The following CAMK1D variants were observed in gnomAD, a reference collection of about 807,000 sequenced individuals.
The protein encoded by CAMK1D is calcium/calmodulin-dependent protein kinase type 1D.
Under a neutral mutation model 47.7 loss-of-function variants are expected in CAMK1D, and 9 were observed. That is an observed-to-expected ratio of 0.19 (90% confidence interval 0.11 to 0.33). The LOEUF (loss-of-function observed/expected upper bound fraction) is 0.33, where lower values mean the gene tolerates loss of function less well. CAMK1D is among the 10% of genes least tolerant of loss of function. The pLI, the probability that CAMK1D is intolerant of heterozygous loss-of-function variation, is 1.00. For missense variants in CAMK1D, 291 were observed against 488.7 expected (o/e 0.60, Z 3.81); for synonymous variants, 184 against 184.9 (o/e 0.99, Z 0.04).
intron 1 of CAMK1D, among the ~76,000 whole-genome samples, chr10:12,378,565 G>T (rs989543648): frequency 3.9e-4 from 59 of 150,374 alleles, no homozygotes; most frequent in African/African-American, 1.3e-3. Context: ...TTGAACAAGG[G>T]TATCCCCATT....
At chr10:12,745,599 CT>C (rs1564531460) in intron 3 of CAMK1D, among the ~76,000 whole-genome samples, 1 of 135,806 alleles carries the variant, frequency 7.4e-6, no homozygotes, top group Non-Finnish European at 1.6e-5. Flanking sequence ...TGCCAATTTT[CT>C]TTTTTTCTTT....
At chr10:12,641,259 G>A (rs1027647654) in intron 2 of CAMK1D, among the ~76,000 whole-genome samples, 2 of 152,102 alleles carry the variant, frequency 1.3e-5, no homozygotes, top group Non-Finnish European at 2.9e-5. Context: ...GTCAGCTACC[G>A]CCCCCAGCCT....
intron 5 of CAMK1D, among the ~76,000 whole-genome samples, chr10:12,784,057 T>C (rs1837614369): frequency 6.6e-6 from 1 of 152,200 alleles, no homozygotes; most frequent in South Asian, 2.1e-4. Context: ...GATATTGTTT[T>C]GTCAGGAATA....
At chr10:12,392,225 C>T (rs534472681) in intron 1 of CAMK1D, among the ~76,000 whole-genome samples, 2 of 151,876 alleles carry the variant, frequency 1.3e-5, no homozygotes, top group Admixed American at 1.3e-4. Context: ...TCACTGGAAC[C>T]CAGGAGGTGG....
intron 1 of CAMK1D, among the ~76,000 whole-genome samples, chr10:12,454,888 A>G (rs1833196206): frequency 6.6e-6 from 1 of 152,230 alleles, no homozygotes; most frequent in African/African-American, 2.4e-5. Context: ...GTTCTCCTAC[A>G]TTCTCATTGC....
At chr10:12,566,620 C>T (rs375055554) in intron 2 of CAMK1D, among the ~76,000 whole-genome samples, 9 of 152,104 alleles carry the variant, frequency 5.9e-5, no homozygotes, top group African/African-American at 1.4e-4. Context: ...AGTGATTGCC[C>T]GAGGTCATGG....
At chr10:12,522,163 CCTT>C (rs1758118299) in intron 1 of CAMK1D, among the ~76,000 whole-genome samples, 1 of 147,810 alleles carries the variant, frequency 6.8e-6, no homozygotes, top group Admixed American at 6.7e-5. Flanking sequence ...CCCTTTCCTG[CCTT>C]CTTTTGTGTT....
chr10:12,373,573 A>G (rs1034500526), intron 1 of CAMK1D, among the ~76,000 whole-genome samples: 1 of 151,980 alleles, frequency 6.6e-6, no homozygotes, highest in African/African-American at 2.4e-5. Flanking sequence ...TGGAGGTTGC[A>G]GTGAGCCGAG....
chr10:12,466,213 C>T lies in CAMK1D; in HGVS notation c.93-87012C>T, dbSNP rs183986631. Among the ~76,000 whole-genome samples, 278 of 152,164 alleles carry T rather than the reference C, an allele frequency of 1.8e-3. 1 individual carries two copies. Among genetic ancestry groups the T allele is most frequent in the African/African-American group, 6.3e-3 (263 of 41,500 alleles). On this transcript the variant is annotated intron_variant, in intron 1 of 10. Transcript: ENST00000619168. ...ACGAGGTCAGGAGATCGAGCCCATCCTGGCTAACACGGTGAAACCCCATCT... is the reference window on the plus strand; with the variant it reads ...ACGAGGTCAGGAGATCGAGCCCATCTTGGCTAACACGGTGAAACCCCATCT...
At chr10:12,496,909 G>A (rs533838173) in intron 1 of CAMK1D, among the ~76,000 whole-genome samples, 2 of 152,026 alleles carry the variant, frequency 1.3e-5, no homozygotes, top group Non-Finnish European at 2.9e-5. Flanking sequence ...CTCCCAACAG[G>A]CACCAGTGTG....
chr10:12,784,252 T>C (rs1354185876), intron 5 of CAMK1D, among the ~76,000 whole-genome samples: 1 of 145,352 alleles, frequency 6.9e-6, no homozygotes, highest in African/African-American at 2.6e-5. Context: ...CAGGCTGGAG[T>C]GCAATGGCAG....
At chr10:12,640,012 A>C (rs1839623228) in intron 2 of CAMK1D, among the ~76,000 whole-genome samples, 1 of 152,192 alleles carries the variant, frequency 6.6e-6, no homozygotes, top group African/African-American at 2.4e-5. Flanking sequence ...GAGAAGGAAA[A>C]AACTTGTAAT....
At chr10:12,599,916 G>A (rs538066614) in intron 2 of CAMK1D, among the ~76,000 whole-genome samples, 1 of 152,306 alleles carries the variant, frequency 6.6e-6, no homozygotes, top group East Asian at 1.9e-4. Flanking sequence ...CCAACCTTTT[G>A]TCAACAATTG....
chr10:12,624,184 G>A (rs1325455787), intron 2 of CAMK1D, among the ~76,000 whole-genome samples: 1 of 152,128 alleles, frequency 6.6e-6, no homozygotes. Flanking sequence ...TCTGTATCAT[G>A]AGTATATCCC....
At chr10:12,479,192 T>A (rs928599765) in intron 1 of CAMK1D, among the ~76,000 whole-genome samples, 9 of 151,186 alleles carry the variant, frequency 6.0e-5, no homozygotes, top group African/African-American at 2.2e-4. Flanking sequence ...GCTGCATTTT[T>A]TTTTCTTTTT....
Position 12,814,180 on chromosome 10 carries a change from C to T in CAMK1D, c.642-15C>T. 1 of 1,553,480 alleles carries T rather than the reference C, an allele frequency of 6.4e-7. No homozygotes were observed. Among genetic ancestry groups the T allele is most frequent in the South Asian group, 1.1e-5 (1 of 89,716 alleles). On this transcript the variant is annotated splice_polypyrimidine_tract_variant and intron_variant, in intron 6 of 10. Transcript: ENST00000619168. ...TATGCAGATGTTCCAGCTTTTACTC[C>T]ATTTTGTCTCCTAGGCTCTGCGGCT... is the stretch of plus-strand genomic sequence containing the variant.
intron 2 of CAMK1D, among the ~76,000 whole-genome samples, chr10:12,660,719 C>T (rs939640452): frequency 2.0e-5 from 3 of 152,174 alleles, no homozygotes; most frequent in Non-Finnish European, 2.9e-5. Context: ...TGTGTCAGCT[C>T]ATGCTTACTT....
intron 1 of CAMK1D, among the ~76,000 whole-genome samples, chr10:12,391,236 C>T (rs919265549): frequency 2.6e-5 from 4 of 152,138 alleles, no homozygotes; most frequent in African/African-American, 9.7e-5. Context: ...GTGTGGGGCC[C>T]TGGGAACAAG....
intron 1 of CAMK1D, among the ~76,000 whole-genome samples, chr10:12,463,895 T>C (rs1588513918): frequency 6.6e-6 from 1 of 152,268 alleles, no homozygotes; most frequent in African/African-American, 2.4e-5. Flanking sequence ...AAGTGTGTGG[T>C]AGTGTCTCCT....
Sources: allele counts gnomAD v4.1 joint callset (sites outside exome capture counted in the v4.1 genomes callset), GRCh38; gene constraint gnomAD v4.1.1; transcripts MANE v1.5; gene names NCBI Gene and HGNC (gene_info 2026-07-23, HGNC 2026-07-21).